Variants in SMIM7 observed in about 807,000 individuals in gnomAD.
SMIM7 encodes UPF0608 protein C19orf42.
SMIM7 carries 12 observed loss-of-function variants against 13.3 expected under a neutral mutation model. That is an observed-to-expected ratio of 0.90 (90% CI 0.58 to 1.46). The LOEUF (loss-of-function observed/expected upper bound fraction) is 1.46, where lower values mean the gene tolerates loss of function less well. Among genes scored for constraint, SMIM7 ranks in the 40% most tolerant of loss-of-function variants. SMIM7 has a pLI of 0.00. For missense variants in SMIM7, 114 were observed against 94.8 expected (o/e 1.20, Z -0.84); for synonymous variants, 36 against 35.8 (o/e 1.01, Z -0.02).
chr19:16,652,872 T>G (rs1599372554), intron 4 of SMIM7: 1 of 1,550,474 alleles, frequency 6.4e-7, no homozygotes. Flanking sequence ...CTAAATCCAT[T>G]TACAGCAAAT....
chr19:16,656,913 C>CA (rs920127420), intron 3 of SMIM7, among the ~76,000 whole-genome samples: 25 of 151,372 alleles, frequency 1.7e-4, no homozygotes, highest in African/African-American at 5.3e-4. Flanking sequence ...AAAAAAACAA[C>CA]AAAAAAACAA....
At chr19:16,655,623 G>C (rs1213743774) in intron 3 of SMIM7, among the ~76,000 whole-genome samples, 1 of 144,726 alleles carries the variant, frequency 6.9e-6, no homozygotes, top group Non-Finnish European at 1.5e-5. Context: ...AGAGATTGCA[G>C]TGAGCTGAGA....
downstream of SMIM7, among the ~76,000 whole-genome samples, chr19:16,642,946 C>T (rs2086414475): frequency 6.6e-6 from 1 of 151,800 alleles, no homozygotes; most frequent in African/African-American, 2.4e-5. Flanking sequence ...GCGTCAGCCT[C>T]CTGAGTAGCT....
At chr19:16,644,468 G>C (rs1229430940), downstream of SMIM7, among the ~76,000 whole-genome samples, 1 of 137,234 alleles carries the variant, frequency 7.3e-6, no homozygotes, top group Non-Finnish European at 1.6e-5. Flanking sequence ...AGAAGATCTT[G>C]CTCTGTCACC....
chr19:16,642,326 G>A (rs1178406612), downstream of SMIM7, among the ~76,000 whole-genome samples: 5 of 152,200 alleles, frequency 3.3e-5, no homozygotes, highest in African/African-American at 9.7e-5. Flanking sequence ...GGGAAGCCAA[G>A]GTGGGTGGGT....
intron 4 of SMIM7, among the ~76,000 whole-genome samples, chr19:16,653,247 T>TA (rs2086551815): frequency 6.6e-6 from 1 of 152,138 alleles, no homozygotes; most frequent in African/African-American, 2.4e-5. Context: ...GGACAGAGTT[T>TA]AACCCCTTCA....
chr19:16,645,738 T>A (rs377159563), downstream of SMIM7: 3 of 149,332 alleles, frequency 2.0e-5, no homozygotes, highest in East Asian at 4.0e-4. Flanking sequence ...CTCAGCTCAC[T>A]GCAACCTCCG....
downstream of SMIM7, among the ~76,000 whole-genome samples, chr19:16,642,002 A>G (rs1376668205): frequency 6.6e-6 from 1 of 152,214 alleles, no homozygotes; most frequent in African/African-American, 2.4e-5. Flanking sequence ...GTGCAAAAAT[A>G]CATTCTCCTT....
intron 3 of SMIM7, among the ~76,000 whole-genome samples, chr19:16,657,462 G>C (rs2086610897): frequency 6.6e-6 from 1 of 152,184 alleles, no homozygotes; most frequent in Non-Finnish European, 1.5e-5. Context: ...TGAATGGATG[G>C]ATCAATGGAT....
intron 3 of SMIM7, 166 bp downstream of exon 3, chr19:16,659,229 G>T: frequency 1.4e-6 from 1 of 692,648 alleles, no homozygotes; most frequent in Non-Finnish European, 2.5e-6. Flanking sequence ...TCTGCAGTGA[G>T]CCATGATCGC....
At chr19:16,652,797 G>A in intron 4 of SMIM7, 4 of 1,528,498 alleles carry the variant, frequency 2.6e-6, no homozygotes, top group Non-Finnish European at 3.5e-6. Flanking sequence ...TCTCTTTCTG[G>A]GGGAAGCATA....
intron 2 of SMIM7, 177 bp from the exon 3 acceptor site, chr19:16,659,624 A>T: frequency 1.4e-6 from 1 of 700,190 alleles, no homozygotes. Context: ...GGACAATCAC[A>T]GCCAGGTCAG....
chr19:16,636,986 G>A (rs1309710612), intron 4 of SMIM7, among the ~76,000 whole-genome samples: 1 of 152,122 alleles, frequency 6.6e-6, no homozygotes, highest in Admixed American at 6.5e-5. Context: ...TAAAAGTAAA[G>A]AAAAAGTGGA....
chr19:16,644,053 T>C (rs898797357), downstream of SMIM7: 4 of 150,934 alleles, frequency 2.7e-5, no homozygotes, highest in Non-Finnish European at 4.4e-5. Flanking sequence ...CATACAGGAA[T>C]ATGGAAAATG....
chr19:16,636,555 G>C (rs1050062660), intron 4 of SMIM7: 1 of 152,204 alleles, frequency 6.6e-6, no homozygotes, highest in African/African-American at 2.4e-5. Context: ...ATTTTTAGTA[G>C]AGACAAGGTC....
At chr19:16,657,382 G>A (rs16981371) in intron 3 of SMIM7, among the ~76,000 whole-genome samples, 16,279 of 152,236 alleles carry the variant, frequency 0.11, 1,186 homozygotes, top group African/African-American at 0.21. Context: ...GATCTGTACA[G>A]TGCAACTCTA....
At chr19:16,657,122 T>C (rs944812575) in intron 3 of SMIM7, among the ~76,000 whole-genome samples, 1 of 152,160 alleles carries the variant, frequency 6.6e-6, no homozygotes, top group Non-Finnish European at 1.5e-5. Flanking sequence ...CTTAGCACAC[T>C]GCCTGGCACG....
chr19:16,644,565 G>A (rs2086431313), downstream of SMIM7, among the ~76,000 whole-genome samples: 1 of 151,874 alleles, frequency 6.6e-6, no homozygotes, highest in Middle Eastern at 3.2e-3. Context: ...AGCCTCCTGA[G>A]TAGCTGGGAT....
At chr19:16,656,898 C>G (rs992538365) in intron 3 of SMIM7, among the ~76,000 whole-genome samples, 2 of 137,358 alleles carry the variant, frequency 1.5e-5, no homozygotes, top group African/African-American at 5.3e-5. Flanking sequence ...GGCTCCATCT[C>G]AAAAAAAAAA....
Sources: gnomAD v4.1 joint callset for allele counts (sites outside exome capture counted in the v4.1 genomes callset) on GRCh38, gnomAD v4.1.1 for gene constraint, MANE v1.5 for transcripts, NCBI Gene and HGNC (gene_info 2026-07-23, HGNC 2026-07-21) for gene names.